RAB27B: variants seen among roughly 807,000 people sequenced by gnomAD.
RAB27B encodes ras-related protein Rab-27B.
In RAB27B, 15 loss-of-function variants were observed where a neutral mutation model predicts 24.6. That is an observed-to-expected ratio of 0.61 (90% confidence interval 0.41 to 0.94). The LOEUF (loss-of-function observed/expected upper bound fraction) is 0.94, where lower values mean the gene tolerates loss of function less well. Among genes scored for constraint, RAB27B ranks in the 40% least tolerant of loss-of-function variants. The pLI, the probability that RAB27B is intolerant of heterozygous loss-of-function variation, is 0.00. For synonymous variants in RAB27B, 105 were observed against 92.5 expected (o/e 1.14, Z -0.78); for missense variants, 261 against 266.8 (o/e 0.98, Z 0.15).
chr18:54,785,634 A>G (rs968495582), intron 2 of RAB27B, among the ~76,000 whole-genome samples: 1 of 152,048 alleles, frequency 6.6e-6, no homozygotes, highest in African/African-American at 2.4e-5. Context: ...CCTACAGAAT[A>G]TAAGCTCCAT....
intron 1 of RAB27B, among the ~76,000 whole-genome samples, chr18:54,851,639 A>G (rs1911593843): frequency 6.6e-6 from 1 of 152,188 alleles, no homozygotes; most frequent in South Asian, 2.1e-4. Context: ...TGGCATCAGT[A>G]AATTATTATC....
chr18:54,881,548 T>C (rs1224497261), intron 3 of RAB27B, among the ~76,000 whole-genome samples: 3 of 152,174 alleles, frequency 2.0e-5, no homozygotes, highest in Non-Finnish European at 2.9e-5. Flanking sequence ...GGAGTTTCAG[T>C]GTTTCAGCAA....
chr18:54,784,823 G>A (rs1318005551), intron 2 of RAB27B, among the ~76,000 whole-genome samples: 2 of 152,318 alleles, frequency 1.3e-5, no homozygotes, highest in African/African-American at 4.8e-5. Context: ...TCCTTTGGGT[G>A]TATACCCAGT....
At chr18:54,756,872 TTATATC>T (rs937364452) in intron 2 of RAB27B, among the ~76,000 whole-genome samples, 3 of 152,194 alleles carry the variant, frequency 2.0e-5, no homozygotes, top group Admixed American at 6.5e-5. Context: ...GGTTCTTCCT[TTATATC>T]TAACTAAAGT....
chr18:54,801,867 A>C (rs1909623319), intron 2 of RAB27B, among the ~76,000 whole-genome samples: 1 of 152,156 alleles, frequency 6.6e-6, no homozygotes, highest in Non-Finnish European at 1.5e-5. Context: ...ACTTTTTGCT[A>C]TCCGCTATTA....
intron 2 of RAB27B, among the ~76,000 whole-genome samples, chr18:54,730,364 T>C (rs1598862897): frequency 1.3e-5 from 2 of 152,334 alleles, no homozygotes; most frequent in African/African-American, 4.8e-5. Context: ...TTCCGACAAA[T>C]GCATGGTTCT....
At chr18:54,730,190 G>A (rs564557701) in intron 2 of RAB27B, among the ~76,000 whole-genome samples, 3 of 152,258 alleles carry the variant, frequency 2.0e-5, no homozygotes, top group Non-Finnish European at 2.9e-5. Flanking sequence ...AGTCTGTCAC[G>A]TACATCACTG....
intron 2 of RAB27B, among the ~76,000 whole-genome samples, chr18:54,878,909 G>A (rs780058808): frequency 7.2e-5 from 11 of 152,150 alleles, no homozygotes; most frequent in African/African-American, 2.2e-4. Context: ...AAAGATATTC[G>A]GATATTTGTA....
upstream of RAB27B, among the ~76,000 whole-genome samples, chr18:54,823,923 C>T (rs756609501): frequency 2.0e-5 from 3 of 152,170 alleles, no homozygotes; most frequent in East Asian, 1.9e-4. Flanking sequence ...CAGTGCAGAT[C>T]GCCTCCTAAG....
intron 2 of RAB27B, among the ~76,000 whole-genome samples, chr18:54,792,513 A>G (rs1184095049): frequency 1.3e-5 from 2 of 152,256 alleles, no homozygotes; most frequent in Non-Finnish European, 2.9e-5. Context: ...GTAAGATTTA[A>G]GAACTTAAAT....
At chr18:54,800,641 T>C (rs1909571972) in intron 2 of RAB27B, among the ~76,000 whole-genome samples, 1 of 152,210 alleles carries the variant, frequency 6.6e-6, no homozygotes, top group Non-Finnish European at 1.5e-5. Flanking sequence ...TTCCTTGCAG[T>C]ACCTATTTGA....
intron 2 of RAB27B, among the ~76,000 whole-genome samples, chr18:54,811,485 G>A (rs965424556): frequency 1.3e-5 from 2 of 152,106 alleles, no homozygotes; most frequent in Admixed American, 6.6e-5. Flanking sequence ...TTGAGTCTTC[G>A]ATCAGTCTTT....
chr18:54,777,090 T>A (rs1908741299), intron 2 of RAB27B, among the ~76,000 whole-genome samples: 1 of 152,076 alleles, frequency 6.6e-6, no homozygotes, highest in Admixed American at 6.6e-5. Flanking sequence ...ATAACATAGA[T>A]CACACATAAA....
chr18:54,729,186 T>C (rs971408757), intron 2 of RAB27B, among the ~76,000 whole-genome samples: 2 of 152,042 alleles, frequency 1.3e-5, no homozygotes, highest in African/African-American at 4.8e-5. Flanking sequence ...ATTAGTGCTA[T>C]TTGGAATACA....
intron 2 of RAB27B, among the ~76,000 whole-genome samples, chr18:54,786,249 A>G (rs1478405543): frequency 6.6e-6 from 1 of 152,186 alleles, no homozygotes; most frequent in Non-Finnish European, 1.5e-5. Flanking sequence ...ATTCTAACCA[A>G]TTCCACATTT....
chr18:54,782,691 G>C (rs1908953319), intron 2 of RAB27B, among the ~76,000 whole-genome samples: 1 of 152,192 alleles, frequency 6.6e-6, no homozygotes, highest in African/African-American at 2.4e-5. Flanking sequence ...AACACAGACT[G>C]TTCATACATG....
intron 2 of RAB27B, among the ~76,000 whole-genome samples, chr18:54,754,996 C>G (rs565968312): frequency 8.5e-5 from 13 of 152,292 alleles, no homozygotes; most frequent in African/African-American, 2.2e-4. Context: ...GATTTATTGA[C>G]TCTTCTGTGA....
chr18:54,850,622 T>C (rs947992679), intron 1 of RAB27B, among the ~76,000 whole-genome samples: 4 of 151,256 alleles, frequency 2.6e-5, no homozygotes, highest in African/African-American at 9.7e-5. Context: ...TATCCTGGCC[T>C]CCCAAAGTGT....
In RAB27B at chr18:54,768,854, GA is replaced by G. The variant is rs1256915755; in HGVS notation, c.-20+50716del. On this transcript the variant is annotated intron_variant, in intron 2 of 4. Coordinates refer to the RAB27B transcript ENST00000586570. ...CTCACTATCATGAGGACAGCATGGG[GA>G]AACTGCCCCCATGATCCAATTAACT... is the stretch of plus-strand genomic sequence containing the variant. 4.6e-5 allele frequency among the ~76,000 whole-genome samples: 7 copies of G among 152,098 alleles called. 1 individual carries two copies. Among genetic ancestry groups the G allele is most frequent in the Admixed American group, 4.6e-4 (7 of 15,248 alleles).
Sources: allele counts gnomAD v4.1 joint callset (sites outside exome capture counted in the v4.1 genomes callset), GRCh38; gene constraint gnomAD v4.1.1; transcripts MANE v1.5; gene names NCBI Gene and HGNC (gene_info 2026-07-23, HGNC 2026-07-21).